MCM8: variants seen among roughly 807,000 people sequenced by gnomAD.
MCM8 encodes the protein minichromosome maintenance 8 homologous recombination repair factor.
In MCM8, 85 loss-of-function variants were observed where a neutral mutation model predicts 98.9. The observed-to-expected ratio is 0.86, with a 90% CI of 0.72 to 1.03. The LOEUF (loss-of-function observed/expected upper bound fraction) is 1.03, where lower values mean the gene tolerates loss of function less well. Ranked by LOEUF, MCM8 falls within the 50% of genes least tolerant of loss-of-function variation. The pLI is 0.00. For synonymous variants in MCM8, 352 were observed against 338.6 expected (o/e 1.04, Z -0.44); for missense variants, 951 against 997.8 (o/e 0.95, Z 0.63).
At chr20:5,952,321 C>T (rs543002948) in intron 2 of MCM8, 103 bp from the exon 3 acceptor site, 22 of 1,553,654 alleles carry the variant, frequency 1.4e-5, no homozygotes, top group Non-Finnish European at 1.8e-5. Flanking sequence ...TACTAAAACC[C>T]CTAATTTGGA....
In MCM8 at chr20:5,972,037, A is replaced by G. The variant is rs748250023; in HGVS notation, c.1254A>G (p.Glu418=). The change falls in exon 11 of 19, where the codon GAA becomes GAG. Residue 418 remains glutamate (E), a splice_region_variant and synonymous_variant. Transcript: ENST00000610722. ...NSLCPVIFGH[E]LVKAGLALAL... is the part of the protein sequence containing the mutation. ...TTTGCCCTGTCATTTTTGGTCATGAAGTAAGTATTTTACTTCATCTTTACT... is the reference window on the plus strand; with the variant it reads ...TTTGCCCTGTCATTTTTGGTCATGAGGTAAGTATTTTACTTCATCTTTACT... 6.2e-7 allele frequency: 1 copy of G among 1,610,016 alleles called. No individual in the cohort carries two copies. The highest frequency in any genetic ancestry group is 8.5e-7 in the Non-Finnish European group (1 of 1,177,478).
intron 12 of MCM8, among the ~76,000 whole-genome samples, chr20:5,975,259 TAAAAAAA>T (rs534162187): frequency 7.2e-6 from 1 of 139,700 alleles, no homozygotes; most frequent in Non-Finnish European, 1.6e-5. Context: ...ACCCTGTCTT[TAAAAAAA>T]AAAAAAAAGA....
intron 3 of MCM8, among the ~76,000 whole-genome samples, chr20:5,953,414 A>G (rs1025759797): frequency 6.7e-6 from 1 of 148,320 alleles, no homozygotes; most frequent in African/African-American, 2.5e-5. Flanking sequence ...TAAAATACCC[A>G]TTTGTTTCTT....
Position 5,989,120 on chromosome 20 carries a change from C to CTTTTTTTT in MCM8, c.2240+1771_2240+1778dup, listed in dbSNP as rs1172678780. Among the ~76,000 whole-genome samples, 1,345 of 120,162 alleles carry CTTTTTTTT rather than the reference C, an allele frequency of 0.011. 143 individuals are homozygous for CTTTTTTTT. The East Asian group carries it at 0.19, about 17-fold the overall frequency. The allele number at this position is 120,162 out of a possible 152,430, so 78.8% of individuals were successfully genotyped here. On this transcript the variant is annotated intron_variant, in intron 17 of 18. Coordinates refer to ENST00000610722, the MANE Select transcript of MCM8 (RefSeq NM_032485.6). Reference sequence around the variant, plus strand: ...ACTGTTTACTATCAATAGCGCAAGTCTTTTTTTTTTTTTTTTGAGACAGTC... The same window carrying CTTTTTTTT: ...ACTGTTTACTATCAATAGCGCAAGTCTTTTTTTTTTTTTTTTTTTTTTTTGAGACAGTC...
At chr20:5,977,511 G>A (rs2089536854) in intron 12 of MCM8, among the ~76,000 whole-genome samples, 1 of 152,220 alleles carries the variant, frequency 6.6e-6, no homozygotes, top group Admixed American at 6.5e-5. Context: ...AGAAGCATTG[G>A]AACCTTCAAA....
rs899563755 is a variant in MCM8, at chr20:5,995,383, C to T, written c.*992C>T. On this transcript the variant is annotated 3_prime_UTR_variant, in exon 19 of 19. Coordinates refer to ENST00000610722, the MANE Select transcript of MCM8 (RefSeq NM_032485.6). Reference sequence around the variant, plus strand: ...AAGCTTCCAGCAGCAATTTGTAAAACCATGCCTTAGAATTGGACTAAGGAA... The same window carrying T: ...AAGCTTCCAGCAGCAATTTGTAAAATCATGCCTTAGAATTGGACTAAGGAA... The T allele has an allele frequency of 6.6e-6, 1 of 152,140 alleles. No individual in the cohort carries two copies. The highest frequency in any genetic ancestry group is 2.4e-5 in the African/African-American group (1 of 41,410). 9.4% of individuals were successfully genotyped at this position (152,140 alleles called of 1,614,324 possible).
At chr20:5,954,040 A>G (rs1270713565) in intron 3 of MCM8, among the ~76,000 whole-genome samples, 1 of 152,150 alleles carries the variant, frequency 6.6e-6, no homozygotes, top group African/African-American at 2.4e-5. Context: ...AGTCCTAAAG[A>G]TGGAGTTCAA....
intron 6 of MCM8, among the ~76,000 whole-genome samples, chr20:5,957,990 A>AT (rs1168996757): frequency 9.3e-5 from 14 of 150,612 alleles, no homozygotes; most frequent in Non-Finnish European, 1.0e-4. Flanking sequence ...TTTTGGCATT[A>AT]TTTTTTTCCT....
At chr20:5,951,345 G>A (rs2088816719) in intron 1 of MCM8, among the ~76,000 whole-genome samples, 1 of 152,128 alleles carries the variant, frequency 6.6e-6, no homozygotes. Context: ...CCGTTAAATC[G>A]TGAACTTTCT....
intron 13 of MCM8, 39 bp from the exon 14 acceptor site, chr20:5,982,931 A>G: frequency 6.4e-7 from 1 of 1,557,232 alleles, no homozygotes; most frequent in Non-Finnish European, 8.7e-7. Context: ...TTGACCAAAG[A>G]AAAAATGTTT....
chr20:5,971,893 T>C (rs1359168311), intron 10 of MCM8, 114 bp from the exon 11 acceptor site: 1 of 825,168 alleles, frequency 1.2e-6, no homozygotes, highest in Admixed American at 2.5e-5. Context: ...GGGATGTAAA[T>C]TTTTTACATT....
chr20:5,951,154 A>G (rs986261101), intron 1 of MCM8, 131 bp downstream of exon 1: 1 of 152,262 alleles, frequency 6.6e-6, no homozygotes, highest in Non-Finnish European at 1.5e-5. Flanking sequence ...TGTTCTCAGC[A>G]TATTGTCTCG....
chr20:5,982,190 G>A (rs1306219156), intron 13 of MCM8, among the ~76,000 whole-genome samples: 2 of 152,198 alleles, frequency 1.3e-5, no homozygotes, highest in East Asian at 1.9e-4. Flanking sequence ...TACAATATTT[G>A]TCTTCCCTGC....
chr20:5,981,166 G>A (rs550910425), intron 13 of MCM8, among the ~76,000 whole-genome samples: 151 of 152,332 alleles, frequency 9.9e-4, no homozygotes, highest in South Asian at 1.7e-3. Flanking sequence ...AGCCAAAGTA[G>A]GAAGTAGCTT....
chr20:5,950,982 A>G lies in MCM8; in HGVS notation c.-47A>G, dbSNP rs2088806665. 1 of 152,264 alleles carries G rather than the reference A, an allele frequency of 6.6e-6. No individual in the cohort carries two copies. The highest frequency in any genetic ancestry group is 1.5e-5 in the Non-Finnish European group (1 of 68,068). 9.4% of individuals were successfully genotyped at this position (152,264 alleles called of 1,614,324 possible). On this transcript the variant is annotated 5_prime_UTR_variant, in exon 1 of 19. Coordinates refer to ENST00000610722, the MANE Select transcript of MCM8 (RefSeq NM_032485.6). ...TCTGCGCGTATCCTGGAGCCGGCCC[A>G]GTTGTGAACTAGGAGAGCTTTGGGA...
intron 13 of MCM8, among the ~76,000 whole-genome samples, chr20:5,982,328 A>G (rs1182218733): frequency 1.3e-5 from 2 of 152,190 alleles, no homozygotes; most frequent in African/African-American, 4.8e-5. Context: ...TAACCACAGC[A>G]AAGCCCTTCA....
In MCM8 at chr20:5,977,952, T is replaced by A; in HGVS notation, c.1472T>A (p.Leu491His). Residue 491 changes from leucine to histidine, a missense_variant, in exon 13 of 19, where the codon CTT becomes CAT. Leu to His is a moderately conservative substitution (Grantham distance 99). Transcript: ENST00000610722. The stretch of plus-strand genomic sequence containing the variant: ...ACCACCTCTGGTCTGACGGTAACTC[T>A]TTCAAAAGATAGTTCCTCTGGAGAT... Reference protein sequence around the residue: ...TTTTSGLTVTLSKDSSSGDFA... With the variant: ...TTTTSGLTVTHSKDSSSGDFA... The A allele has an allele frequency of 6.2e-7, 1 of 1,614,244 alleles. No homozygotes were observed.
At position 5,993,612 on chromosome 20, in the gene MCM8, C is replaced by G. The variant is rs763354597; in HGVS notation, c.2347C>G (p.Leu783Val). 1.2e-6 allele frequency: 2 copies of G among 1,612,608 alleles called. No homozygotes were observed. Among genetic ancestry groups the G allele is most frequent in the Non-Finnish European group, 1.7e-6 (2 of 1,178,970 alleles). Residue 783 changes from leucine to valine, a missense_variant, in exon 18 of 19, where the codon CTC (leucine) becomes GTC (valine). By Grantham distance (32) the Leu-to-Val change is conservative. Coordinates refer to ENST00000610722, the MANE Select transcript of MCM8 (RefSeq NM_032485.6). ...RSTAKRFISA[L>V]NNVAERTYNN... Reference sequence around the variant, plus strand: ...AACAGCGAAAAGATTTATTTCTGCTCTCAACAACGTTGCTGAAAGAACTTA... The same window carrying G: ...AACAGCGAAAAGATTTATTTCTGCTGTCAACAACGTTGCTGAAAGAACTTA...
At chr20:5,987,197 AAACAAGTAAAT>A (rs1156265632) in intron 16 of MCM8, 74 bp from the exon 17 acceptor site, 6 of 1,352,052 alleles carry the variant, frequency 4.4e-6, no homozygotes, top group Non-Finnish European at 6.2e-6. Context: ...TTTTTGTGTA[AAACAAGTAAAT>A]GAAGTAAAGC....
Sources: allele counts gnomAD v4.1 joint callset (sites outside exome capture counted in the v4.1 genomes callset), GRCh38; gene constraint gnomAD v4.1.1; transcripts MANE v1.5; gene names NCBI Gene and HGNC (gene_info 2026-07-23, HGNC 2026-07-21).